Variants in SDK1 observed in about 807,000 individuals in gnomAD.
SDK1 encodes the protein protein sidekick-1.
SDK1 carries 157 observed loss-of-function variants against 245.5 expected under a neutral mutation model. The ratio of observed to expected loss-of-function variants is 0.64; its 90% CI spans 0.56 to 0.73. The LOEUF (loss-of-function observed/expected upper bound fraction) is 0.73, where lower values mean the gene tolerates loss of function less well. Ranked by LOEUF, SDK1 falls within the 30% of genes least tolerant of loss-of-function variation. The pLI is 0.00. For synonymous variants in SDK1, 1,647 were observed against 1,278.5 expected (o/e 1.29, Z -6.15); for missense variants, 3,583 against 3,002.3 (o/e 1.19, Z -4.52).
intron 1 of SDK1, among the ~76,000 whole-genome samples, chr7:3,556,377 A>AG (rs1328016799): frequency 7.2e-5 from 11 of 152,158 alleles, no homozygotes; most frequent in Admixed American, 7.2e-4. Context: ...ATGGAGATAA[A>AG]GGGTAGAATG....
chr7:3,544,465 G>A (rs987370675), intron 1 of SDK1, among the ~76,000 whole-genome samples: 5 of 152,204 alleles, frequency 3.3e-5, no homozygotes, highest in Non-Finnish European at 5.9e-5. Flanking sequence ...AATGAGGGGC[G>A]AAGTCTTTCC....
rs1786042447 is a variant in SDK1, at chr7:4,012,297, A to G, written c.2420+62A>G. On this transcript the variant is annotated intron_variant, in intron 16 of 44. Transcript: ENST00000404826. The stretch of plus-strand genomic sequence containing the variant: ...TTAGAGTTGAGCGTCGATTTCACAG[A>G]GGGTTGCAAACTCTAATGTCTGTAA... 2.8e-6 allele frequency: 4 copies of G among 1,427,668 alleles called. No homozygotes were observed. The African/African-American group carries it at 5.9e-5, about 21-fold the overall frequency. The allele number at this position is 1,427,668 out of a possible 1,614,324, so 88.4% of individuals were successfully genotyped here.
intron 35 of SDK1, among the ~76,000 whole-genome samples, chr7:4,204,710 G>C (rs929681866): frequency 6.6e-6 from 1 of 152,222 alleles, no homozygotes; most frequent in South Asian, 2.1e-4. Flanking sequence ...GGCGGCAGGC[G>C]GAGAGGAGTG....
intron 14 of SDK1, among the ~76,000 whole-genome samples, chr7:3,990,051 A>G (rs552774718): frequency 1.3e-5 from 2 of 152,334 alleles, no homozygotes; most frequent in South Asian, 4.1e-4. Context: ...GTCCTGCACT[A>G]CAGCGGGGCT....
At chr7:3,823,305 A>G (rs1357956770) in intron 5 of SDK1, among the ~76,000 whole-genome samples, 1 of 152,226 alleles carries the variant, frequency 6.6e-6, no homozygotes, top group African/African-American at 2.4e-5. Flanking sequence ...TTTAGCAAAT[A>G]TGAATCTGTA....
chr7:3,435,565 G>T (rs113036507), intron 1 of SDK1, among the ~76,000 whole-genome samples: 3 of 151,392 alleles, frequency 2.0e-5, no homozygotes, highest in Admixed American at 1.3e-4. Context: ...GGGTTTCACC[G>T]TGTTGTCCAG....
chr7:3,714,994 CAATT>C (rs1302618560), intron 4 of SDK1, among the ~76,000 whole-genome samples: 8 of 152,134 alleles, frequency 5.3e-5, no homozygotes, highest in Non-Finnish European at 8.8e-5. Flanking sequence ...CATTAAAACT[CAATT>C]AAGTAAAAAA....
chr7:3,895,181 G>T (rs144974128), intron 5 of SDK1, among the ~76,000 whole-genome samples: 1 of 152,110 alleles, frequency 6.6e-6, no homozygotes, highest in Non-Finnish European at 1.5e-5. Context: ...GTAATTAAGG[G>T]GCTTGGTACC....
intron 5 of SDK1, among the ~76,000 whole-genome samples, chr7:3,881,498 T>G (rs1781208600): frequency 6.6e-6 from 1 of 152,260 alleles, no homozygotes; most frequent in South Asian, 2.1e-4. Flanking sequence ...TCATCCATTC[T>G]ATCATTGATG....
chr7:3,439,079 C>T (rs928915885), intron 1 of SDK1, among the ~76,000 whole-genome samples: 2 of 151,996 alleles, frequency 1.3e-5, no homozygotes, highest in African/African-American at 2.4e-5. Flanking sequence ...TCTCAAACTC[C>T]TGACCTCTCG....
intron 4 of SDK1, among the ~76,000 whole-genome samples, chr7:3,677,159 A>C (rs1783927141): frequency 6.6e-6 from 1 of 152,098 alleles, no homozygotes; most frequent in South Asian, 2.1e-4. Flanking sequence ...TGGAATTTCC[A>C]ACTCTCCCAC....
At chr7:4,166,495 G>GC (rs1781509576) in intron 32 of SDK1, among the ~76,000 whole-genome samples, 1 of 152,234 alleles carries the variant, frequency 6.6e-6, no homozygotes, top group African/African-American at 2.4e-5. Flanking sequence ...GAAGCGCGTG[G>GC]CCCCCGGCAC....
intron 4 of SDK1, among the ~76,000 whole-genome samples, chr7:3,808,178 G>GT (rs1289281257): frequency 6.6e-6 from 1 of 152,224 alleles, no homozygotes; most frequent in African/African-American, 2.4e-5. Flanking sequence ...GCACACAGCA[G>GT]TTGCCAGGCC....
chr7:3,962,039 A>G (rs1781735469), intron 8 of SDK1, among the ~76,000 whole-genome samples: 2 of 152,188 alleles, frequency 1.3e-5, no homozygotes. Flanking sequence ...GCACATATAT[A>G]CACACATGTA....
intron 1 of SDK1, among the ~76,000 whole-genome samples, chr7:3,450,312 C>T (rs1780473137): frequency 6.6e-6 from 1 of 152,146 alleles, no homozygotes; most frequent in African/African-American, 2.4e-5. Context: ...GGAGTGGTCT[C>T]TTCACTGCTG....
chr7:4,219,549 G>A (rs987804646), intron 38 of SDK1, among the ~76,000 whole-genome samples: 9 of 152,198 alleles, frequency 5.9e-5, no homozygotes, highest in Non-Finnish European at 1.2e-4. Context: ...CACGAGAACA[G>A]AATGGGAGAA....
Position 4,265,348 on chromosome 7 carries a change from G to C in SDK1, c.6606G>C (p.Ala2202=). 5 of 1,460,882 alleles carry C rather than the reference G, an allele frequency of 3.4e-6. No homozygotes were observed. The highest frequency in any genetic ancestry group is 4.5e-6 in the Non-Finnish European group (5 of 1,119,440). 90.5% of individuals were successfully genotyped at this position (1,460,882 alleles called of 1,614,324 possible). The change falls in exon 45 of 45, where the codon GCG becomes GCC. Residue 2202 remains alanine, a synonymous_variant. Coordinates refer to ENST00000404826, the MANE Select transcript of SDK1 (RefSeq NM_152744.4). The part of the protein sequence containing the change: ...GGVYTPAGPG[A]RTPLTGFSSF... ...TCTACACCCCCGCTGGCCCCGGCGC[G>C]CGAACTCCGCTCACCGGCTTCTCCT...
At chr7:3,581,105 A>G (rs1290595524) in intron 1 of SDK1, among the ~76,000 whole-genome samples, 1 of 152,142 alleles carries the variant, frequency 6.6e-6, no homozygotes, top group African/African-American at 2.4e-5. Flanking sequence ...GCAAAAGTTG[A>G]CAAATGGGAT....
intron 40 of SDK1, among the ~76,000 whole-genome samples, chr7:4,223,357 C>T (rs1331923552): frequency 1.3e-5 from 2 of 152,240 alleles, no homozygotes; most frequent in East Asian, 1.9e-4. Context: ...GTCCCACAAA[C>T]TAGGCAGCCT....
Sources: allele counts gnomAD v4.1 joint callset (sites outside exome capture counted in the v4.1 genomes callset), GRCh38; gene constraint gnomAD v4.1.1; transcripts MANE v1.5; gene names NCBI Gene and HGNC (gene_info 2026-07-23, HGNC 2026-07-21).